The following EXOC4 variants were observed in gnomAD, a reference collection of about 807,000 sequenced individuals.
EXOC4 encodes exocyst complex component 4, also known as SEC8-like 1.
EXOC4 carries 71 observed loss-of-function variants against 107.2 expected under a neutral mutation model. The observed-to-expected ratio is 0.66, with a 90% CI of 0.55 to 0.81. The LOEUF is 0.81. Among genes scored for constraint, EXOC4 ranks in the 30% least tolerant of loss-of-function variants. EXOC4 has a pLI of 0.00. For missense variants in EXOC4, 1,108 were observed against 1,189.6 expected, an observed-to-expected ratio of 0.93 and a Z score of 1.01; for synonymous variants, 456 against 441.2, an observed-to-expected ratio of 1.03 and a Z score of -0.42.
chr7:133,998,421 G>A (rs1212228766), intron 15 of EXOC4, among the ~76,000 whole-genome samples: 4 of 152,180 alleles, frequency 2.6e-5, no homozygotes, highest in Non-Finnish European at 4.4e-5. Context: ...GAAGAAATGT[G>A]ACAAAGTAAC....
At chr7:133,469,810 A>G (rs1468950331) in intron 7 of EXOC4, among the ~76,000 whole-genome samples, 1 of 152,160 alleles carries the variant, frequency 6.6e-6, no homozygotes, top group African/African-American at 2.4e-5. Flanking sequence ...CTGGCCAGCT[A>G]GTTCATTCTT....
At chr7:133,415,413 T>G (rs1797452564) in intron 7 of EXOC4, among the ~76,000 whole-genome samples, 1 of 152,168 alleles carries the variant, frequency 6.6e-6, no homozygotes, top group South Asian at 2.1e-4. Flanking sequence ...TTTCTCCATA[T>G]CCTTGTTGAT....
At chr7:133,833,206 G>A (rs1258116496) in intron 11 of EXOC4, among the ~76,000 whole-genome samples, 7 of 148,542 alleles carry the variant, frequency 4.7e-5, no homozygotes, top group Admixed American at 4.7e-4. Context: ...AATAATAGGA[G>A]AGAAATTTCA....
At chr7:133,413,813 A>G (rs903299756) in intron 7 of EXOC4, among the ~76,000 whole-genome samples, 2 of 152,112 alleles carry the variant, frequency 1.3e-5, no homozygotes, top group African/African-American at 2.4e-5. Flanking sequence ...AAGATCATAT[A>G]CTTTCCTGGT....
chr7:133,876,056 A>T (rs182392525), intron 11 of EXOC4, among the ~76,000 whole-genome samples: 193 of 152,318 alleles, frequency 1.3e-3, no homozygotes, highest in Middle Eastern at 6.8e-3. Context: ...GGATGGATTC[A>T]CAGATAGGTA....
intron 3 of EXOC4, among the ~76,000 whole-genome samples, chr7:133,298,800 A>G (rs1040174727): frequency 1.8e-4 from 27 of 152,174 alleles, no homozygotes; most frequent in African/African-American, 6.0e-4. Flanking sequence ...ATTTTATTTT[A>G]AAGAAAGAAT....
chr7:133,677,251 G>A (rs963657948), intron 10 of EXOC4, among the ~76,000 whole-genome samples: 2 of 151,914 alleles, frequency 1.3e-5, no homozygotes, highest in African/African-American at 4.8e-5. Context: ...TTGTTTCTAG[G>A]AACAAATGAC....
intron 10 of EXOC4, among the ~76,000 whole-genome samples, chr7:133,707,050 G>T (rs541839396): frequency 6.6e-6 from 1 of 151,122 alleles, no homozygotes; most frequent in Non-Finnish European, 1.5e-5. Flanking sequence ...AGACATGTGT[G>T]TGTACACATT....
In EXOC4 at chr7:133,484,955, C is replaced by G. The variant is rs576949923; in HGVS notation, c.1417+4817C>G. Among the ~76,000 whole-genome samples, 412 of 151,584 alleles carry G rather than the reference C, an allele frequency of 2.7e-3. 3 individuals are homozygous for G. Among genetic ancestry groups the G allele is most frequent in the Non-Finnish European group, 4.3e-3 (295 of 67,844 alleles). On this transcript the variant is annotated intron_variant, in intron 9 of 17. Transcript: ENST00000253861. ...ATTAGCCTGGCGTGGTGGCGGACAC[C>G]TGTAATCCCAGCTACTTGGGAGGCT... is the stretch of plus-strand genomic sequence containing the variant.
At chr7:133,960,531 T>C (rs1169789208) in intron 14 of EXOC4, among the ~76,000 whole-genome samples, 1 of 152,220 alleles carries the variant, frequency 6.6e-6, no homozygotes, top group South Asian at 2.1e-4. Context: ...CACTGCTTGT[T>C]ATTTAACATA....
intron 14 of EXOC4, among the ~76,000 whole-genome samples, chr7:133,972,119 C>T (rs1801256189): frequency 6.6e-6 from 1 of 152,208 alleles, no homozygotes; most frequent in African/African-American, 2.4e-5. Flanking sequence ...AGAAAACTAC[C>T]ATCTTTACTC....
chr7:134,054,752 C>T (rs1027162534), intron 17 of EXOC4, among the ~76,000 whole-genome samples: 1 of 152,186 alleles, frequency 6.6e-6, no homozygotes, highest in Non-Finnish European at 1.5e-5. Context: ...CTGCATCAAA[C>T]GGTTCACTGA....
intron 9 of EXOC4, among the ~76,000 whole-genome samples, chr7:133,546,825 A>G (rs1364081206): frequency 2.6e-5 from 4 of 152,192 alleles, no homozygotes; most frequent in African/African-American, 7.2e-5. Context: ...GTTTGGATAC[A>G]TAGCTCTAGA....
In EXOC4 at chr7:133,356,375, A is replaced by T. The variant is rs752011481; in HGVS notation, c.809A>T (p.Asp270Val). 1 of 1,614,072 alleles carries T rather than the reference A, an allele frequency of 6.2e-7. No homozygotes were observed. ...GACATCAAGGAAGATTTAGAATTGG[A>T]TCCAGAGGAAAACAGCACCCTGTTT... ...LQDIKEDLEL[D>V]PEENSTLFMG... Residue 270 changes from aspartate to valine, a missense_variant, in exon 6 of 18, where the codon GAT (aspartate) becomes GTT (valine). By Grantham distance (152) the Asp-to-Val change is radical. Transcript: ENST00000253861.
intron 14 of EXOC4, among the ~76,000 whole-genome samples, chr7:133,975,003 A>G (rs894608205): frequency 7.0e-6 from 1 of 142,116 alleles, no homozygotes; most frequent in Non-Finnish European, 1.5e-5. Context: ...AGTAAATTCA[A>G]GCGCTGTATA....
chr7:133,685,158 C>T (rs775189961), intron 10 of EXOC4, among the ~76,000 whole-genome samples: 2 of 152,068 alleles, frequency 1.3e-5, no homozygotes, highest in Non-Finnish European at 2.9e-5. Flanking sequence ...AAACAATAAG[C>T]AGTTGGTATG....
chr7:133,867,072 G>A (rs1016378782), intron 11 of EXOC4, among the ~76,000 whole-genome samples: 4 of 152,182 alleles, frequency 2.6e-5, no homozygotes, highest in African/African-American at 7.2e-5. Flanking sequence ...AGCCTGTATG[G>A]AAACTAGTGC....
chr7:133,318,982 G>C (rs1192313432), intron 5 of EXOC4, among the ~76,000 whole-genome samples: 1 of 152,170 alleles, frequency 6.6e-6, no homozygotes, highest in African/African-American at 2.4e-5. Flanking sequence ...CTGAGGGGTT[G>C]TAGACTGTGG....
At chr7:133,698,776 G>A (rs1180174873) in intron 10 of EXOC4, among the ~76,000 whole-genome samples, 1 of 151,888 alleles carries the variant, frequency 6.6e-6, no homozygotes, top group Non-Finnish European at 1.5e-5. Context: ...TGGCTTTGAG[G>A]CCATGTACTG....
Sources: allele counts gnomAD v4.1 joint callset (sites outside exome capture counted in the v4.1 genomes callset), GRCh38; gene constraint gnomAD v4.1.1; transcripts MANE v1.5; gene names NCBI Gene and HGNC (gene_info 2026-07-23, HGNC 2026-07-21).